The following ZNF143 variants were observed in gnomAD, a reference collection of about 807,000 sequenced individuals.
ZNF143 encodes the protein zinc finger protein 143, also known as SPH-binding factor.
A neutral mutation model predicts 74.1 loss-of-function variants in ZNF143; 49 were observed. The observed-to-expected ratio is 0.66, with a 90% CI of 0.53 to 0.84. ZNF143 has a LOEUF of 0.84. ZNF143 is among the 40% of genes least tolerant of loss of function. The pLI, the probability that ZNF143 is intolerant of heterozygous loss-of-function variation, is 0.00. For missense variants in ZNF143, 637 were observed against 793.4 expected (o/e 0.80, Z 2.37); for synonymous variants, 304 against 282.8 (o/e 1.07, Z -0.75).
At chr11:9,522,065 C>CAA (rs34484384) in intron 14 of ZNF143, among the ~76,000 whole-genome samples, 3,889 of 97,250 alleles carry the variant, frequency 0.04, 106 homozygotes, top group African/African-American at 0.081. Flanking sequence ...GACCCTGTCT[C>CAA]AAAAAAAAAA....
At chr11:9,521,249 G>A (rs1336017095) in intron 14 of ZNF143, among the ~76,000 whole-genome samples, 1 of 152,124 alleles carries the variant, frequency 6.6e-6, no homozygotes, top group Non-Finnish European at 1.5e-5. Context: ...TATCAATAGA[G>A]GATCATACTC....
intron 7 of ZNF143, among the ~76,000 whole-genome samples, chr11:9,491,907 G>C (rs1231657982): frequency 6.6e-6 from 1 of 152,064 alleles, no homozygotes; most frequent in Admixed American, 6.6e-5. Context: ...TGGGATTATA[G>C]GCTTGAGCCA....
At chr11:9,480,802 G>T (rs111452962) in intron 7 of ZNF143, among the ~76,000 whole-genome samples, 1 of 151,358 alleles carries the variant, frequency 6.6e-6, no homozygotes, top group African/African-American at 2.4e-5. Flanking sequence ...CAGGAGAATC[G>T]CTTGAACCCA....
chr11:9,506,688 A>G (rs1848375470), intron 11 of ZNF143, among the ~76,000 whole-genome samples: 2 of 152,228 alleles, frequency 1.3e-5, no homozygotes, highest in African/African-American at 2.4e-5. Context: ...GGTCTGACCT[A>G]AGAGGTGGGT....
At chr11:9,469,248 C>G (rs563025921) in intron 1 of ZNF143, among the ~76,000 whole-genome samples, 3 of 145,056 alleles carry the variant, frequency 2.1e-5, no homozygotes, top group African/African-American at 2.6e-5. Flanking sequence ...TACCACCCCC[C>G]CATACGGAGT....
intron 6 of ZNF143, among the ~76,000 whole-genome samples, chr11:9,479,214 A>G (rs1262492873): frequency 1.3e-5 from 2 of 151,376 alleles, no homozygotes; most frequent in Non-Finnish European, 2.9e-5. Flanking sequence ...TCTTTTGTCC[A>G]GGCTGGTCTT....
chr11:9,500,366 T>C (rs1218516233), intron 10 of ZNF143, among the ~76,000 whole-genome samples: 1 of 151,688 alleles, frequency 6.6e-6, no homozygotes, highest in Admixed American at 6.6e-5. Context: ...CACAAGTATG[T>C]ATTGAACACC....
At chr11:9,468,821 A>G (rs1162532026) in intron 1 of ZNF143, among the ~76,000 whole-genome samples, 3 of 152,020 alleles carry the variant, frequency 2.0e-5, no homozygotes, top group African/African-American at 7.2e-5. Flanking sequence ...TGGGTGACAG[A>G]GTGAGACTCG....
intron 11 of ZNF143, among the ~76,000 whole-genome samples, chr11:9,505,878 C>CA (rs1177848404): frequency 0.03 from 1,971 of 66,410 alleles, 28 homozygotes; most frequent in East Asian, 0.061. Flanking sequence ...GACTCCATAT[C>CA]AAAAAAAAAA....
chr11:9,526,910 C>G (rs1001379978), intron 15 of ZNF143, among the ~76,000 whole-genome samples: 1 of 152,150 alleles, frequency 6.6e-6, no homozygotes, highest in Non-Finnish European at 1.5e-5. Flanking sequence ...CTGCAAGCTC[C>G]GCCTCCTGGG....
chr11:9,522,433 C>T (rs1290178225), intron 14 of ZNF143, among the ~76,000 whole-genome samples: 1 of 152,030 alleles, frequency 6.6e-6, no homozygotes, highest in Non-Finnish European at 1.5e-5. Flanking sequence ...TTCTGGAACT[C>T]TAGTTACATG....
chr11:9,483,990 C>T (rs1025243382), intron 7 of ZNF143, among the ~76,000 whole-genome samples: 2 of 151,152 alleles, frequency 1.3e-5, no homozygotes, highest in African/African-American at 2.5e-5. Flanking sequence ...CCTCGTGATC[C>T]GCCCGCCTCA....
chr11:9,507,630 G>A (rs1315349946), intron 11 of ZNF143, among the ~76,000 whole-genome samples: 1 of 152,158 alleles, frequency 6.6e-6, no homozygotes, highest in African/African-American at 2.4e-5. Flanking sequence ...CCCCTTCAGT[G>A]TAGTTAAAAG....
chr11:9,468,106 G>T (rs1436560950), intron 1 of ZNF143, among the ~76,000 whole-genome samples: 1 of 152,168 alleles, frequency 6.6e-6, no homozygotes, highest in Admixed American at 6.6e-5. Context: ...TGCTGCATCT[G>T]TTCCTCATAT....
intron 14 of ZNF143, among the ~76,000 whole-genome samples, chr11:9,516,898 C>A (rs1411948204): frequency 6.6e-6 from 1 of 152,074 alleles, no homozygotes; most frequent in East Asian, 1.9e-4. Flanking sequence ...GTCATCTCCC[C>A]CTACCTTTTT....
intron 14 of ZNF143, among the ~76,000 whole-genome samples, chr11:9,521,707 C>G (rs1306622000): frequency 6.6e-6 from 1 of 151,902 alleles, no homozygotes; most frequent in African/African-American, 2.4e-5. Flanking sequence ...TCTGTTTCAT[C>G]TAAGTTTTCA....
intron 1 of ZNF143, among the ~76,000 whole-genome samples, chr11:9,469,933 T>C (rs1267437482): frequency 1.3e-5 from 2 of 152,234 alleles, no homozygotes; most frequent in Non-Finnish European, 2.9e-5. Context: ...GTACAGTTTA[T>C]AGTATTTCCA....
At chr11:9,462,558 GAA>G (rs34230499) in intron 1 of ZNF143, among the ~76,000 whole-genome samples, 12 of 145,506 alleles carry the variant, frequency 8.2e-5, no homozygotes, top group Non-Finnish European at 1.2e-4. Context: ...GACCGGTCTC[GAA>G]AAAAAAAAAA....
In ZNF143 at chr11:9,486,429, T is replaced by TTATATATATTA. The variant is rs1565039376; in HGVS notation, c.645+6892_645+6893insTATATATATAT. On this transcript the variant is annotated intron_variant, in intron 7 of 15. Transcript: ENST00000396602. ...ATATATATAATATATATTATATATA[T>TTATATATATTA]TATATATATAATATATTATATATAT... is the stretch of plus-strand genomic sequence containing the variant. Among the ~76,000 whole-genome samples, 2 of 45,224 alleles carry TTATATATATTA rather than the reference T, an allele frequency of 4.4e-5. 1 individual carries two copies. 29.7% of individuals were successfully genotyped at this position (45,224 alleles called of 152,430 possible).
Sources: allele counts gnomAD v4.1 joint callset (sites outside exome capture counted in the v4.1 genomes callset), GRCh38; gene constraint gnomAD v4.1.1; transcripts MANE v1.5; gene names NCBI Gene and HGNC (gene_info 2026-07-23, HGNC 2026-07-21).